Variants in ELF2 observed in about 807,000 individuals in gnomAD.
ELF2 encodes ETS-related transcription factor Elf-2.
In ELF2, 11 loss-of-function variants were observed where a neutral mutation model predicts 54.8. The observed-to-expected ratio is 0.20, with a 90% CI of 0.13 to 0.33. ELF2 has a LOEUF of 0.33. Ranked by LOEUF, ELF2 falls within the 10% of genes least tolerant of loss-of-function variation. The pLI, the probability that ELF2 is intolerant of heterozygous loss-of-function variation, is 1.00. For synonymous variants in ELF2, 203 were observed against 245.1 expected (o/e 0.83, Z 1.61); for missense variants, 513 against 703.0 (o/e 0.73, Z 3.06).
At chr4:139,147,778 A>ATTT (rs767408414) in intron 1 of ELF2, among the ~76,000 whole-genome samples, 6 of 120,144 alleles carry the variant, frequency 5.0e-5, no homozygotes, top group Admixed American at 8.8e-5. Context: ...CCAGCCAGAG[A>ATTT]TTTTTTTTTT....
intron 6 of ELF2, among the ~76,000 whole-genome samples, chr4:139,070,046 T>C (rs562324832): frequency 2.7e-4 from 41 of 151,642 alleles, no homozygotes; most frequent in Non-Finnish European, 4.9e-4. Flanking sequence ...CTCACTATGT[T>C]GGCCCAGGCT....
chr4:139,156,716 T>A (rs556817869), intron 1 of ELF2, among the ~76,000 whole-genome samples: 2 of 152,092 alleles, frequency 1.3e-5, no homozygotes, highest in East Asian at 3.9e-4. Flanking sequence ...CTCAGCTCAC[T>A]GCAACCTCCA....
intron 4 of ELF2, chr4:139,100,577 T>G (rs998778609): frequency 2.0e-5 from 3 of 152,202 alleles, no homozygotes; most frequent in African/African-American, 7.2e-5. Flanking sequence ...AAGTCAAAAC[T>G]CCTGTCCTGA....
intron 3 of ELF2, among the ~76,000 whole-genome samples, chr4:139,125,779 CAA>C (rs367767700): frequency 3.7e-4 from 36 of 96,506 alleles, no homozygotes; most frequent in African/African-American, 5.1e-4. Context: ...AGTCTGGCAG[CAA>C]AAAAAAAAAA....
chr4:139,151,076 GAAAGAAAGAAAGAAAGAA>G (rs1739923577), intron 1 of ELF2, among the ~76,000 whole-genome samples: 1 of 137,868 alleles, frequency 7.3e-6, no homozygotes. Context: ...AAGAAAGAAA[GAAAGAAAGAAAGAAAGAA>G]AAAGAGAGCT....
chr4:139,112,432 AC>A (rs1385733601), intron 4 of ELF2, among the ~76,000 whole-genome samples: 1 of 152,246 alleles, frequency 6.6e-6, no homozygotes, highest in East Asian at 1.9e-4. Flanking sequence ...GGTCTTGTTT[AC>A]CACAAGATAT....
chr4:139,089,155 T>A (rs1160725996), intron 4 of ELF2, among the ~76,000 whole-genome samples: 1 of 152,260 alleles, frequency 6.6e-6, no homozygotes, highest in East Asian at 1.9e-4. Flanking sequence ...TCCAATTGTA[T>A]AATAAACATC....
At chr4:139,175,063 A>T (rs905158986) in intron 1 of ELF2, among the ~76,000 whole-genome samples, 7 of 151,172 alleles carry the variant, frequency 4.6e-5, no homozygotes, top group African/African-American at 1.2e-4. Flanking sequence ...GTAATTTTTT[A>T]AAAAATTAAT....
chr4:139,136,173 G>A (rs1191253799), intron 3 of ELF2, among the ~76,000 whole-genome samples: 1 of 152,168 alleles, frequency 6.6e-6, no homozygotes, highest in Non-Finnish European at 1.5e-5. Flanking sequence ...ATTCCTGGAG[G>A]TGATCATACA....
Position 139,088,284 on chromosome 4 carries a change from T to TA in ELF2, c.239-14718dup, listed in dbSNP as rs10713739. ...CCTGGGAGCAGAACAAGACTCTGTCTAAAAAAAAAAAAAAAAAAAAAATTA... is the reference window on the plus strand; with the variant it reads ...CCTGGGAGCAGAACAAGACTCTGTCTAAAAAAAAAAAAAAAAAAAAAAATTA... On this transcript the variant is annotated intron_variant, in intron 4 of 9. Coordinates refer to ENST00000686138, the MANE Select transcript of ELF2 (RefSeq NM_001331036.3). Among the ~76,000 whole-genome samples the TA allele has an allele frequency of 4.3e-3, 480 of 112,222 alleles. 5 individuals are homozygous for TA. Among genetic ancestry groups the TA allele is most frequent in the African/African-American group, 5.2e-3 (150 of 29,026 alleles). 73.6% of individuals were successfully genotyped at this position (112,222 alleles called of 152,430 possible).
chr4:139,061,648 C>A (rs1350750535), intron 8 of ELF2, among the ~76,000 whole-genome samples: 1 of 152,076 alleles, frequency 6.6e-6, no homozygotes, highest in East Asian at 1.9e-4. Flanking sequence ...TACAAAAGCA[C>A]ATTTTCTGCA....
intron 1 of ELF2, among the ~76,000 whole-genome samples, chr4:139,173,434 T>C (rs563383565): frequency 1.4e-3 from 210 of 152,032 alleles, no homozygotes; most frequent in Non-Finnish European, 2.3e-3. Flanking sequence ...ATGTAATATG[T>C]CCATAAATAG....
chr4:139,080,459 A>G (rs972186812), intron 4 of ELF2, among the ~76,000 whole-genome samples: 1 of 152,154 alleles, frequency 6.6e-6, no homozygotes, highest in African/African-American at 2.4e-5. Flanking sequence ...GAGATTTTCA[A>G]TTTCATAATG....
At chr4:139,078,541 T>C (rs978896541) in intron 4 of ELF2, among the ~76,000 whole-genome samples, 4 of 150,372 alleles carry the variant, frequency 2.7e-5, no homozygotes, top group South Asian at 4.2e-4. Flanking sequence ...ATACTTGCAT[T>C]ATAAAGTATA....
At chr4:139,139,527 T>C in intron 1 of ELF2, 30 bp from the exon 2 acceptor site, 1 of 1,115,342 alleles carries the variant, frequency 9.0e-7, no homozygotes, top group Non-Finnish European at 1.1e-6. Flanking sequence ...AAAGATAATA[T>C]TAATATAATT....
chr4:139,061,206 G>A (rs1006501003), intron 8 of ELF2, among the ~76,000 whole-genome samples: 3 of 138,608 alleles, frequency 2.2e-5, no homozygotes, highest in Admixed American at 7.9e-5. Context: ...TGAGAGTCTC[G>A]CTCTGTCACC....
intron 4 of ELF2, among the ~76,000 whole-genome samples, chr4:139,089,350 T>C (rs1732343225): frequency 6.6e-6 from 1 of 152,154 alleles, no homozygotes; most frequent in South Asian, 2.1e-4. Flanking sequence ...TGTAACATAG[T>C]CATATCCCCT....
At chr4:139,126,170 A>C (rs1471039523) in intron 3 of ELF2, among the ~76,000 whole-genome samples, 1 of 152,174 alleles carries the variant, frequency 6.6e-6, no homozygotes, top group Non-Finnish European at 1.5e-5. Flanking sequence ...AATTTTTGGA[A>C]ATTAAAGATA....
chr4:139,107,993 A>G (rs1734587125), intron 4 of ELF2, among the ~76,000 whole-genome samples: 1 of 152,150 alleles, frequency 6.6e-6, no homozygotes, highest in African/African-American at 2.4e-5. Context: ...GTAAGAGCTA[A>G]AACTGAAAAG....
Sources: gnomAD v4.1 joint callset for allele counts (sites outside exome capture counted in the v4.1 genomes callset) on GRCh38, gnomAD v4.1.1 for gene constraint, MANE v1.5 for transcripts, NCBI Gene and HGNC (gene_info 2026-07-23, HGNC 2026-07-21) for gene names.